Variants in HEPH observed in about 807,000 individuals in gnomAD.
HEPH encodes the protein hephaestin.
A neutral mutation model predicts 80.8 loss-of-function variants in HEPH; 69 were observed. The observed-to-expected ratio is 0.85, with a 90% CI of 0.70 to 1.04. The LOEUF (loss-of-function observed/expected upper bound fraction) is 1.04, where lower values mean the gene tolerates loss of function less well. HEPH is among the 50% of genes least tolerant of loss of function. The pLI is 0.00. For missense variants in HEPH, 1,115 were observed against 891.3 expected (o/e 1.25, Z -3.20); for synonymous variants, 431 against 322.8 (o/e 1.34, Z -3.60).
chrX:66,195,749 G>T (rs916335443), intron 9 of HEPH, among the ~76,000 whole-genome samples: 2 of 111,483 alleles, frequency 1.8e-5, no homozygotes, highest in Non-Finnish European at 3.8e-5. Flanking sequence ...GCTTGGACAT[G>T]TAGGTTTTTT....
intron 15 of HEPH, among the ~76,000 whole-genome samples, chrX:66,233,274 G>C (rs979673478): frequency 2.7e-5 from 3 of 111,448 alleles, no homozygotes; most frequent in Non-Finnish European, 5.6e-5. Context: ...ATCCCACCAG[G>C]TATGATTCAC....
intron 15 of HEPH, among the ~76,000 whole-genome samples, chrX:66,209,779 T>C (rs1213808536): frequency 8.9e-6 from 1 of 111,887 alleles, no homozygotes; most frequent in Non-Finnish European, 1.9e-5. Flanking sequence ...ATGCCATTCA[T>C]CAAGATAGGG....
intron 11 of HEPH, among the ~76,000 whole-genome samples, chrX:66,199,743 G>A (rs1031119273): frequency 8.9e-6 from 1 of 112,206 alleles, no homozygotes; most frequent in Non-Finnish European, 1.9e-5. Context: ...TTCATGGATC[G>A]AAGAGAGAGT....
At position 66,227,087 on chromosome X, in the gene HEPH, A is replaced by G. The variant is rs747772805; in HGVS notation, c.2563+18841A>G. Among the ~76,000 whole-genome samples the G allele has an allele frequency of 2.0e-4, 23 of 112,220 alleles. No individual in the cohort carries two copies. The East Asian group carries it at 5.9e-3, about 29-fold the overall frequency. On this transcript the variant is annotated intron_variant, in intron 15 of 20. Coordinates refer to ENST00000343002, the MANE Select transcript of HEPH (RefSeq NM_001367233.3). ...AGCATATCAAAAATAATCTACCATG[A>G]TCAGGTGGGTTTCATACAAAGTATG...
At chrX:66,225,693 C>T (rs2089853382) in intron 15 of HEPH, among the ~76,000 whole-genome samples, 1 of 112,627 alleles carries the variant, frequency 8.9e-6, no homozygotes, top group Non-Finnish European at 1.9e-5. Flanking sequence ...GGGGCAATTG[C>T]CTACTTGGGA....
At chrX:66,207,077 C>G in intron 13 of HEPH, 118 bp from the exon 14 acceptor site, 1 of 493,380 alleles carries the variant, frequency 2.0e-6, no homozygotes. Flanking sequence ...AGGTCCCCCC[C>G]CTTTTTTTTT....
intron 15 of HEPH, among the ~76,000 whole-genome samples, chrX:66,235,507 T>G (rs2090326833): frequency 9.0e-6 from 1 of 111,504 alleles, no homozygotes; most frequent in Non-Finnish European, 1.9e-5. Context: ...GAAGATCAGA[T>G]AGTTGTAGGT....
chrX:66,183,444 C>T (rs1463603701), intron 4 of HEPH, among the ~76,000 whole-genome samples: 1 of 29,504 alleles, frequency 3.4e-5, no homozygotes, highest in South Asian at 2.2e-3. Flanking sequence ...GTGTATGTGT[C>T]GAGGAATGTA....
intron 4 of HEPH, among the ~76,000 whole-genome samples, chrX:66,174,481 G>A (rs773049288): frequency 8.9e-6 from 1 of 112,089 alleles, no homozygotes; most frequent in South Asian, 3.7e-4. Flanking sequence ...GCATGTGCAA[G>A]TATCTTTTTT....
rs910557321 is a variant in HEPH, at chrX:66,173,896, G to A, written c.625+95G>A. ...CCACCTACATATTGGACAGCAGCCTGAGGAGTGCTAATTCAGCACTCTTGT... is the reference window on the plus strand; with the variant it reads ...CCACCTACATATTGGACAGCAGCCTAAGGAGTGCTAATTCAGCACTCTTGT... On this transcript the variant is annotated intron_variant, in intron 4 of 20. Coordinates refer to ENST00000343002, the MANE Select transcript of HEPH (RefSeq NM_001367233.3). The A allele has an allele frequency of 8.1e-5, 44 of 543,968 alleles. No individual in the cohort carries two copies. In the Admixed American group the frequency reaches 1.4e-3, roughly 17 times the overall value. 44.8% of individuals were successfully genotyped at this position (543,968 alleles called of 1,213,427 possible).
At chrX:66,170,820 C>T in intron 2 of HEPH, 83 bp downstream of exon 2, 1 of 870,382 alleles carries the variant, frequency 1.1e-6, no homozygotes, top group Non-Finnish European at 1.6e-6. Flanking sequence ...AGGCCCCTTT[C>T]CCAGGGTGTG....
rs764766870 is a variant in HEPH at position 66,211,265 on chromosome X, G to A, written c.2563+3019G>A. Among the ~76,000 whole-genome samples the A allele has an allele frequency of 3.6e-5, 4 of 111,226 alleles. No individual in the cohort carries two copies. The East Asian group carries it at 8.4e-4, about 23-fold the overall frequency. On this transcript the variant is annotated intron_variant, in intron 15 of 20. Coordinates refer to ENST00000343002, the MANE Select transcript of HEPH (RefSeq NM_001367233.3). The stretch of plus-strand genomic sequence containing the variant: ...GTAGTTCTAACTTAAATTACAGTTC[G>A]ATATTTTATTTTATTTGTACAAATG...
At chrX:66,215,162 A>G (rs1347753252) in intron 15 of HEPH, among the ~76,000 whole-genome samples, 1 of 111,731 alleles carries the variant, frequency 9.0e-6, no homozygotes, top group Non-Finnish European at 1.9e-5. Flanking sequence ...AAGGTTGTAC[A>G]TATGCTTGGT....
At chrX:66,248,843 T>C (rs1401594130) in intron 15 of HEPH, among the ~76,000 whole-genome samples, 1 of 111,608 alleles carries the variant, frequency 9.0e-6, no homozygotes, top group Non-Finnish European at 1.9e-5. Context: ...TTTCCACTGG[T>C]TTTGGAATGT....
intron 15 of HEPH, among the ~76,000 whole-genome samples, chrX:66,233,011 C>A (rs928045354): frequency 9.1e-6 from 1 of 110,441 alleles, no homozygotes; most frequent in Non-Finnish European, 1.9e-5. Flanking sequence ...TAAGAGCTAA[C>A]CAAAAAATCA....
At position 66,216,287 on chromosome X, in the gene HEPH, C is replaced by G. The variant is rs757740380; in HGVS notation, c.2563+8041C>G. 3.4e-4 allele frequency among the ~76,000 whole-genome samples: 38 copies of G among 111,972 alleles called. 1 individual carries two copies. Among genetic ancestry groups the G allele is most frequent in the East Asian group, 1.7e-3 (6 of 3,566 alleles). ...TGATTGGAGGCCAAACAACACAAAA[C>G]CAATGCACTTAATAAAAATACAACC... On this transcript the variant is annotated intron_variant, in intron 15 of 20. Transcript: ENST00000343002.
Position 66,259,101 on chromosome X carries a change from A to C in HEPH, c.3036+122A>C, listed in dbSNP as rs961712686. The C allele has an allele frequency of 6.7e-6, 5 of 743,069 alleles. No individual in the cohort carries two copies. In the African/African-American group the frequency reaches 1.1e-4, roughly 16 times the overall value. 61.2% of individuals were successfully genotyped at this position (743,069 alleles called of 1,213,427 possible). On this transcript the variant is annotated intron_variant, in intron 18 of 20. Transcript: ENST00000343002. ...TAGTTAAAGAGCAGAGGTCTAGTAC[A>C]TGGAGCACTGAGCTGGAAATTCTAG...
At chrX:66,260,031 T>C in intron 18 of HEPH, 69 bp from the exon 19 acceptor site, 1 of 1,049,173 alleles carries the variant, frequency 9.5e-7, no homozygotes, top group Middle Eastern at 2.5e-4. Context: ...AATTTTTTGG[T>C]TCCTGAAAGC....
At chrX:66,232,677 C>A (rs1056728039) in intron 15 of HEPH, among the ~76,000 whole-genome samples, 1 of 110,040 alleles carries the variant, frequency 9.1e-6, no homozygotes, top group East Asian at 2.8e-4. Context: ...ACCTGTACAC[C>A]CACCTTAATG....
Sources: allele counts gnomAD v4.1 joint callset (sites outside exome capture counted in the v4.1 genomes callset), GRCh38; gene constraint gnomAD v4.1.1; transcripts MANE v1.5; gene names NCBI Gene and HGNC (gene_info 2026-07-23, HGNC 2026-07-21).